FNDC1: variants seen among roughly 807,000 people sequenced by gnomAD.
FNDC1 encodes fibronectin type III domain-containing protein 1.
FNDC1 carries 96 observed loss-of-function variants against 168.0 expected under a neutral mutation model. That is an observed-to-expected ratio of 0.57 (90% confidence interval 0.48 to 0.68). FNDC1 has a LOEUF of 0.68. FNDC1 is among the 30% of genes least tolerant of loss of function. The pLI is 0.00. For synonymous variants in FNDC1, 1,099 were observed against 1,025.9 expected (o/e 1.07, Z -1.36); for missense variants, 2,587 against 2,482.1 (o/e 1.04, Z -0.90).
chr6:159,268,550 T>C (rs1777637643), intron 22 of FNDC1, among the ~76,000 whole-genome samples: 1 of 151,768 alleles, frequency 6.6e-6, no homozygotes, highest in South Asian at 2.1e-4. Flanking sequence ...ATCAATAGGA[T>C]CTCTCTCTCT....
intron 15 of FNDC1, among the ~76,000 whole-genome samples, chr6:159,247,945 G>T (rs1347173371): frequency 1.3e-5 from 2 of 152,122 alleles, no homozygotes; most frequent in African/African-American, 4.8e-5. Context: ...TGACACCAGG[G>T]CTCAGGATTC....
Position 159,232,944 on chromosome 6 carries a change from G to A in FNDC1, c.2432G>A (p.Arg811Gln). Residue 811 changes from arginine (R) to glutamine (Q), a missense_variant, in exon 11 of 23, where the codon CGG (arginine) becomes CAG (glutamine). Arg to Gln is a conservative substitution (Grantham distance 43). Transcript: ENST00000297267. The surrounding 1 kb of genome is among the most constrained non-coding windows in gnomAD (Gnocchi z 4.9). Reference sequence around the variant, plus strand: ...GCCACGGCCCAGACGCTGCGGGCCCGGCCTGCCTCTGGACACTTCCATTTG... The same window carrying A: ...GCCACGGCCCAGACGCTGCGGGCCCAGCCTGCCTCTGGACACTTCCATTTG... The part of the protein sequence containing the change: ...AEATAQTLRA[R>Q]PASGHFHLLR... 6.2e-7 allele frequency: 1 copy of A among 1,610,404 alleles called. No individual in the cohort carries two copies. Among genetic ancestry groups the A allele is most frequent in the Admixed American group, 1.7e-5 (1 of 59,824 alleles).
intron 1 of FNDC1, among the ~76,000 whole-genome samples, chr6:159,180,005 G>T (rs1192251633): frequency 6.6e-6 from 1 of 152,170 alleles, no homozygotes; most frequent in Non-Finnish European, 1.5e-5. Flanking sequence ...TTCAGTTGGA[G>T]AGAAGAATTG....
chr6:159,239,818 T>G lies in FNDC1; in HGVS notation c.4482T>G (p.Thr1494=). The G allele has an allele frequency of 6.5e-7, 1 of 1,545,852 alleles. No individual in the cohort carries two copies. Among genetic ancestry groups the G allele is most frequent in the Non-Finnish European group, 8.8e-7 (1 of 1,142,798 alleles). Residue 1494 remains threonine (T), a synonymous_variant, in exon 14 of 23, where the codon ACT becomes ACG. Coordinates refer to ENST00000297267, the MANE Select transcript of FNDC1 (RefSeq NM_032532.3). The part of the protein sequence containing the change: ...TRRPTTTVRT[T]TRTTTTTTPT... The stretch of plus-strand genomic sequence containing the variant: ...GTCCAACAACCACAGTCCGAACCAC[T>G]ACGCGGACAACCACCACCACCACCC...
At chr6:159,253,430 C>G (rs905226704) in intron 17 of FNDC1, among the ~76,000 whole-genome samples, 1 of 152,182 alleles carries the variant, frequency 6.6e-6, no homozygotes, top group Non-Finnish European at 1.5e-5. Flanking sequence ...TTATCGGGCC[C>G]CCTGCAGGGC....
chr6:159,214,964 G>C lies in FNDC1; in HGVS notation c.480G>C (p.Lys160Asn), dbSNP rs1233975391. Residue 160 changes from lysine to asparagine, a missense_variant, in exon 5 of 23, where the codon AAG (lysine) becomes AAC (asparagine). Lys to Asn is a moderately conservative substitution (Grantham distance 94). Transcript: ENST00000297267. ...ETVTEKEVPNKPLRVRVRSSD... is the reference protein window; with the variant it reads ...ETVTEKEVPNNPLRVRVRSSD... ...TTTAAGAAAAGGAAGTGCCCAACAA[G>C]CCCTTGCGTGTGCGTGTCCGGTCCT... 13 of 1,613,810 alleles carry C rather than the reference G, an allele frequency of 8.1e-6. No individual in the cohort carries two copies. In the Admixed American group the frequency reaches 2.2e-4, roughly 27 times the overall value.
rs1025279263 is a variant in FNDC1, at chr6:159,249,225, T to A, written c.4834+43T>A. 4.5e-6 allele frequency: 7 copies of A among 1,555,752 alleles called. No individual in the cohort carries two copies. The African/African-American group carries it at 6.9e-5, about 15-fold the overall frequency. On this transcript the variant is annotated intron_variant, in intron 16 of 22. Coordinates refer to ENST00000297267, the MANE Select transcript of FNDC1 (RefSeq NM_032532.3). Reference sequence around the variant, plus strand: ...AATCAGAGAAACATGGGTTTTTAACTTGTGGTCTTTGAAGAAAAACATTAC... The same window carrying A: ...AATCAGAGAAACATGGGTTTTTAACATGTGGTCTTTGAAGAAAAACATTAC...
At chr6:159,229,663 G>A (rs1783040227) in intron 9 of FNDC1, among the ~76,000 whole-genome samples, 152 bp from the exon 10 acceptor site, 1 of 152,188 alleles carries the variant, frequency 6.6e-6, no homozygotes, top group Non-Finnish European at 1.5e-5. Context: ...CTTCTGCTGT[G>A]TCTTCATGCT....
Position 159,251,466 on chromosome 6 carries a change from G to A in FNDC1, c.4999G>A (p.Val1667Met), listed in dbSNP as rs2115015490. Reference sequence around the variant, plus strand: ...TCCCCGCAACATCACCGTGGTGGCCGTGGAAGGTTGCCACTCATTTGTCAT... The same window carrying A: ...TCCCCGCAACATCACCGTGGTGGCCATGGAAGGTTGCCACTCATTTGTCAT... ...HAPRNITVVA[V>M]EGCHSFVIVD... The change falls in exon 17 of 23, where the codon GTG (valine) becomes ATG (methionine). Residue 1667 changes from valine (V) to methionine (M), a missense_variant. By Grantham distance (21) the Val-to-Met change is conservative. Coordinates refer to ENST00000297267, the MANE Select transcript of FNDC1 (RefSeq NM_032532.3). 1.2e-6 allele frequency: 2 copies of A among 1,613,948 alleles called. No homozygotes were observed. The highest frequency in any genetic ancestry group is 1.1e-5 in the South Asian group (1 of 91,048).
At chr6:159,205,137 C>T (rs1425187466) in intron 4 of FNDC1, among the ~76,000 whole-genome samples, 2 of 152,102 alleles carry the variant, frequency 1.3e-5, no homozygotes, top group Non-Finnish European at 2.9e-5. Context: ...TTGGATCCCT[C>T]CCAGTGCCTG....
At chr6:159,226,698 AC>A (rs1782961441) in intron 9 of FNDC1, 118 bp downstream of exon 9, 1 of 671,570 alleles carries the variant, frequency 1.5e-6, no homozygotes, top group Non-Finnish European at 2.4e-6. Flanking sequence ...AGAGGTGCTC[AC>A]CCAAGGGACG....
intron 4 of FNDC1, among the ~76,000 whole-genome samples, chr6:159,206,631 C>G (rs111906917): frequency 4.6e-5 from 7 of 152,262 alleles, no homozygotes; most frequent in African/African-American, 1.7e-4. Flanking sequence ...TCACCTCTGT[C>G]TAGTTCAATG....
intron 19 of FNDC1, among the ~76,000 whole-genome samples, chr6:159,261,554 C>G (rs567645872): frequency 6.6e-6 from 1 of 152,184 alleles, no homozygotes; most frequent in East Asian, 1.9e-4. Flanking sequence ...TTGACTCTAT[C>G]TGTACAAAAT....
intron 22 of FNDC1, among the ~76,000 whole-genome samples, chr6:159,269,635 CTA>C (rs1488394611): frequency 6.6e-6 from 1 of 150,516 alleles, no homozygotes; most frequent in Admixed American, 6.6e-5. Flanking sequence ...ATCTATCTAT[CTA>C]TCTATCTATC....
At chr6:159,193,655 G>C (rs556584475) in intron 1 of FNDC1, among the ~76,000 whole-genome samples, 2 of 152,148 alleles carry the variant, frequency 1.3e-5, no homozygotes, top group South Asian at 4.1e-4. Context: ...AGGCCTGTCT[G>C]TGCAAACTGA....
rs199545417 is a variant in FNDC1, at chr6:159,232,790, C to A, written c.2278C>A (p.Arg760=). 2.5e-6 allele frequency: 4 copies of A among 1,613,968 alleles called. No individual in the cohort carries two copies. Among genetic ancestry groups the A allele is most frequent in the East Asian group, 4.5e-5 (2 of 44,874 alleles). Residue 760 remains arginine, a synonymous_variant, in exon 11 of 23, where the codon CGG becomes AGG. Coordinates refer to ENST00000297267, the MANE Select transcript of FNDC1 (RefSeq NM_032532.3). This position sits in a 1 kb window ranked among gnomAD's most constrained non-coding sequence, Gnocchi z 4.9. The part of the protein sequence containing the change: ...APATNSNAPS[R]STMSSSVSSH... ...AGCCACCAACTCCAATGCGCCATCA[C>A]GGTCCACCATGTCCTCCTCCGTCTC... is the stretch of plus-strand genomic sequence containing the variant.
chr6:159,232,228 C>G lies in FNDC1; in HGVS notation c.1716C>G (p.His572Gln). Residue 572 changes from histidine (H) to glutamine (Q), a missense_variant, in exon 11 of 23, where the codon CAC becomes CAG. By Grantham distance (24) the His-to-Gln change is conservative. Transcript: ENST00000297267. The surrounding 1 kb of genome is among the most constrained non-coding windows in gnomAD (Gnocchi z 4.9). ...QKRTLRPPSR[H>Q]GHSVVAPGRT... ...GGACCCTGAGGCCGCCAAGTAGACA[C>G]GGCCACTCGGTGGTTGCTCCCGGCA... 6.2e-7 allele frequency: 1 copy of G among 1,612,648 alleles called. No individual in the cohort carries two copies. Among genetic ancestry groups the G allele is most frequent in the Non-Finnish European group, 8.5e-7 (1 of 1,179,366 alleles).
Position 159,233,403 on chromosome 6 carries a change from C to T in FNDC1, c.2891C>T (p.Ser964Phe). ...QSTDADTEGH[S>F]PKAQPGSTDR... ...ACAGACGCGGACACGGAGGGTCATT[C>T]TCCCAAAGCACAGCCAGGGTCCACA... Residue 964 changes from serine to phenylalanine, a missense_variant, in exon 11 of 23, where the codon TCT becomes TTT. Physicochemically the swap from Ser to Phe is radical, Grantham distance 155. Coordinates refer to ENST00000297267, the MANE Select transcript of FNDC1 (RefSeq NM_032532.3). This position sits in a 1 kb window ranked among gnomAD's most constrained non-coding sequence, Gnocchi z 4.6. 6.2e-7 allele frequency: 1 copy of T among 1,613,168 alleles called. No individual in the cohort carries two copies. The highest frequency in any genetic ancestry group is 8.5e-7 in the Non-Finnish European group (1 of 1,179,746).
chr6:159,218,390 C>G (rs1042228898), intron 5 of FNDC1: 2 of 152,184 alleles, frequency 1.3e-5, no homozygotes, highest in African/African-American at 2.4e-5. Context: ...ACTAGACTTG[C>G]TACCGTGAAT....
Sources: gnomAD v4.1 joint callset for allele counts (sites outside exome capture counted in the v4.1 genomes callset) on GRCh38, gnomAD v4.1.1 for gene constraint, Gnocchi (gnomAD v3.1) non-coding constraint, MANE v1.5 for transcripts, NCBI Gene and HGNC (gene_info 2026-07-23, HGNC 2026-07-21) for gene names.